RIN3: variants seen among roughly 807,000 people sequenced by gnomAD.
RIN3 encodes RAB5 interacting protein 3.
In RIN3, 54 loss-of-function variants were observed where a neutral mutation model predicts 76.3. That is an observed-to-expected ratio of 0.71 (90% CI 0.57 to 0.89). The LOEUF is 0.89. Among genes scored for constraint, RIN3 ranks in the 40% least tolerant of loss-of-function variants. RIN3 has a pLI of 0.00. For synonymous variants in RIN3, 576 were observed against 564.0 expected (o/e 1.02, Z -0.30); for missense variants, 1,256 against 1,322.1 (o/e 0.95, Z 0.78).
rs572318532 is a variant in RIN3 at position 92,621,235 on chromosome 14, C to CAAAA, written c.440+5773_440+5776dup. Among the ~76,000 whole-genome samples the CAAAA allele has an allele frequency of 7.1e-4, 50 of 70,696 alleles. 6 individuals are homozygous for CAAAA. The highest frequency in any genetic ancestry group is 2.6e-3 in the African/African-American group (42 of 16,222). 46.4% of individuals were successfully genotyped at this position (70,696 alleles called of 152,430 possible). A position where few individuals can be genotyped will look rare whatever the true frequency, so the allele number is the denominator to read the frequency against. ...TGGGTGACAGAGCGAGACTCCGTCTCAAAAAAAAAAAAAAAAAAAAGAATT... is the reference window on the plus strand; with the variant it reads ...TGGGTGACAGAGCGAGACTCCGTCTCAAAAAAAAAAAAAAAAAAAAAAAAGAATT... On this transcript the variant is annotated intron_variant, in intron 4 of 9. Coordinates refer to ENST00000216487, the MANE Select transcript of RIN3 (RefSeq NM_024832.5).
In RIN3 at chr14:92,652,471, C is replaced by T. The variant is rs753912628; in HGVS notation, c.1422C>T (p.Leu474=). 6 of 1,614,026 alleles carry T rather than the reference C, an allele frequency of 3.7e-6. No individual in the cohort carries two copies. The highest frequency in any genetic ancestry group is 3.3e-4 in the Middle Eastern group (2 of 6,084). Residue 474 remains leucine (L), a synonymous_variant, in exon 6 of 10, where the codon CTC becomes CTT. Coordinates refer to ENST00000216487, the MANE Select transcript of RIN3 (RefSeq NM_024832.5). The surrounding 1 kb of genome is among the most constrained non-coding windows in gnomAD (Gnocchi z 6.4). The part of the protein sequence containing the change: ...KRISRQLAST[L]PAPLENAELC... ...TCTCTCGACAACTGGCCTCGACCCT[C>T]CCAGCTCCCTTAGAGAACGCTGAGC...
intron 1 of RIN3, among the ~76,000 whole-genome samples, chr14:92,538,100 C>T (rs992206044): frequency 6.6e-5 from 10 of 152,108 alleles, no homozygotes; most frequent in Non-Finnish European, 1.2e-4. Flanking sequence ...GCTGGGATTA[C>T]AGGCTTGAGC....
chr14:92,653,349 C>T (rs902219349), intron 6 of RIN3, among the ~76,000 whole-genome samples: 4 of 152,176 alleles, frequency 2.6e-5, no homozygotes, highest in Non-Finnish European at 5.9e-5. Context: ...CCAATTACTC[C>T]CTGCCATGGG....
At chr14:92,653,850 T>A (rs953069182) in intron 6 of RIN3, among the ~76,000 whole-genome samples, 1 of 152,024 alleles carries the variant, frequency 6.6e-6, no homozygotes, top group Non-Finnish European at 1.5e-5. Context: ...AAACCCCGTC[T>A]CTACAAAAAA....
chr14:92,649,722 T>C (rs1471090362), intron 5 of RIN3, among the ~76,000 whole-genome samples: 2 of 152,160 alleles, frequency 1.3e-5, no homozygotes, highest in East Asian at 3.9e-4. Context: ...CTGGATACCA[T>C]GTCCTCGGTG....
At chr14:92,607,598 G>A (rs1247507603) in intron 3 of RIN3, among the ~76,000 whole-genome samples, 1 of 152,172 alleles carries the variant, frequency 6.6e-6, no homozygotes, top group Non-Finnish European at 1.5e-5. Flanking sequence ...AACAGAGTGA[G>A]ACCCCTTCCC....
chr14:92,638,610 C>T (rs1012833330), intron 4 of RIN3, among the ~76,000 whole-genome samples: 1 of 152,192 alleles, frequency 6.6e-6, no homozygotes, highest in Non-Finnish European at 1.5e-5. Flanking sequence ...TGACAGGCCA[C>T]CACGTAACTG....
intron 3 of RIN3, among the ~76,000 whole-genome samples, chr14:92,600,415 C>T (rs988453968): frequency 1.3e-5 from 2 of 152,002 alleles, no homozygotes; most frequent in African/African-American, 4.8e-5. Context: ...AAGAAAGCTG[C>T]ACCCTGACCC....
chr14:92,530,676 C>T (rs1896859497), intron 1 of RIN3, among the ~76,000 whole-genome samples: 1 of 152,086 alleles, frequency 6.6e-6, no homozygotes, highest in Non-Finnish European at 1.5e-5. Context: ...CCAGGTTTCT[C>T]TGAGTCCAGA....
chr14:92,615,548 GCAGGGGACTTCA>G, intron 4 of RIN3, 69 bp downstream of exon 4: 1 of 1,347,858 alleles, frequency 7.4e-7, no homozygotes, highest in Non-Finnish European at 1.1e-6. Context: ...CTGGGTGGGT[GCAGGGGACTTCA>G]CAGGGAAGCC....
At chr14:92,621,134 G>T (rs1325837414) in intron 4 of RIN3, among the ~76,000 whole-genome samples, 1 of 149,224 alleles carries the variant, frequency 6.7e-6, no homozygotes, top group African/African-American at 2.5e-5. Context: ...TACTCAGGAG[G>T]CTGAGGCAGG....
chr14:92,676,023 A>C (rs957017354), intron 7 of RIN3, among the ~76,000 whole-genome samples: 1 of 152,154 alleles, frequency 6.6e-6, no homozygotes, highest in African/African-American at 2.4e-5. Context: ...GTGACATTTC[A>C]GGTCTCGTAG....
At chr14:92,646,615 T>C (rs1426833900) in intron 5 of RIN3, among the ~76,000 whole-genome samples, 2 of 152,154 alleles carry the variant, frequency 1.3e-5, no homozygotes, top group Non-Finnish European at 2.9e-5. Flanking sequence ...AATTTTTGTA[T>C]TTTTAGTAGA....
chr14:92,622,086 A>T (rs1886202756), intron 4 of RIN3, among the ~76,000 whole-genome samples: 1 of 151,702 alleles, frequency 6.6e-6, no homozygotes, highest in African/African-American at 2.4e-5. Context: ...TCCATGCAAC[A>T]CCATCCCACT....
chr14:92,575,154 A>G (rs1898185443), intron 2 of RIN3, among the ~76,000 whole-genome samples: 1 of 152,318 alleles, frequency 6.6e-6, no homozygotes, highest in East Asian at 1.9e-4. Context: ...TAACAATTAT[A>G]TATAACAACT....
At chr14:92,684,510 G>A (rs2140178165) in intron 8 of RIN3, among the ~76,000 whole-genome samples, 1 of 152,000 alleles carries the variant, frequency 6.6e-6, no homozygotes, top group East Asian at 1.9e-4. Flanking sequence ...CTGGAAGCAT[G>A]GTTTCTACTG....
intron 7 of RIN3, among the ~76,000 whole-genome samples, chr14:92,671,063 C>A: frequency 6.6e-6 from 1 of 152,176 alleles, no homozygotes; most frequent in Non-Finnish European, 1.5e-5. Flanking sequence ...TAGTTCAGTC[C>A]ATTGTCAGCA....
chr14:92,590,149 A>G (rs2140075639), intron 3 of RIN3, among the ~76,000 whole-genome samples: 1 of 152,330 alleles, frequency 6.6e-6, no homozygotes, highest in Non-Finnish European at 1.5e-5. Context: ...GAGTTTTACC[A>G]CCAGTAGCTT....
rs549761866 is a variant in RIN3, at chr14:92,646,586, C to A, written c.533-4996C>A. Reference sequence around the variant, plus strand: ...AGTAGAGTAGCTGGGATTGCAGGCACCTGCCACCACGCCTGACTAATTTTT... The same window carrying A: ...AGTAGAGTAGCTGGGATTGCAGGCAACTGCCACCACGCCTGACTAATTTTT... On this transcript the variant is annotated intron_variant, in intron 5 of 9. Coordinates refer to ENST00000216487, the MANE Select transcript of RIN3 (RefSeq NM_024832.5). 8.7e-4 allele frequency among the ~76,000 whole-genome samples: 133 copies of A among 152,312 alleles called. No homozygotes were observed. The Middle Eastern group carries it at 0.027, about 31-fold the overall frequency.
Sources: allele counts gnomAD v4.1 joint callset (sites outside exome capture counted in the v4.1 genomes callset), GRCh38; gene constraint gnomAD v4.1.1; non-coding constraint Gnocchi (gnomAD v3.1); transcripts MANE v1.5; gene names NCBI Gene and HGNC (gene_info 2026-07-23, HGNC 2026-07-21).